NXPE2: variants seen among roughly 807,000 people sequenced by gnomAD.
NXPE2 encodes neurexophilin and PC-esterase domain family member 2.
NXPE2 carries 34 observed loss-of-function variants against 34.4 expected under a neutral mutation model. That is an observed-to-expected ratio of 0.99 (90% CI 0.75 to 1.31). NXPE2 has a LOEUF of 1.31. Among genes scored for constraint, NXPE2 ranks in the 40% most tolerant of loss-of-function variants. NXPE2 has a pLI of 0.00. For missense variants in NXPE2, 649 were observed against 672.5 expected, an observed-to-expected ratio of 0.97 and a Z score of 0.39; for synonymous variants, 235 against 231.3, an observed-to-expected ratio of 1.02 and a Z score of -0.15.
the NXPE2 span, among the ~76,000 whole-genome samples, chr11:114,546,959 T>A: frequency 6.6e-6 from 1 of 152,182 alleles, no homozygotes; most frequent in Non-Finnish European, 1.5e-5. Flanking sequence ...CACACTGATG[T>A]AAATGAATGA....
the NXPE2 span, among the ~76,000 whole-genome samples, chr11:114,556,366 T>C: frequency 1.3e-5 from 2 of 152,156 alleles, no homozygotes; most frequent in African/African-American, 4.8e-5. Context: ...TGCTACACTT[T>C]GTGGAGTCTC....
Position 114,705,776 on chromosome 11 carries a change from GC to G in NXPE2, c.929-3del, listed in dbSNP as rs1189053375. ...ATTACTTAATCTGGAAATTTGTATT[GC>G]CAGAGAGCGAGAACATAAAAAAGAA... On this transcript the variant is annotated splice_polypyrimidine_tract_variant and splice_region_variant and intron_variant, in intron 4 of 5. Coordinates refer to ENST00000389586, the MANE Select transcript of NXPE2 (RefSeq NM_182495.6). 1 of 1,417,240 alleles carries G rather than the reference GC, an allele frequency of 7.1e-7. No individual in the cohort carries two copies. Among genetic ancestry groups the G allele is most frequent in the East Asian group, 2.9e-5 (1 of 35,012 alleles). The allele number at this position is 1,417,240 out of a possible 1,614,324, so 87.8% of individuals were successfully genotyped here.
At chr11:114,661,484 G>A in the NXPE2 span, among the ~76,000 whole-genome samples, 1 of 152,144 alleles carries the variant, frequency 6.6e-6, no homozygotes, top group Non-Finnish European at 1.5e-5. Context: ...TGCCTGTTTT[G>A]TCTGCATTGT....
the NXPE2 span, among the ~76,000 whole-genome samples, chr11:114,546,449 C>CAT: frequency 6.8e-6 from 1 of 146,074 alleles, no homozygotes; most frequent in African/African-American, 2.6e-5. Context: ...TAGTATCATA[C>CAT]ATATATATAT....
the NXPE2 span, among the ~76,000 whole-genome samples, chr11:114,511,336 G>T: frequency 6.6e-6 from 1 of 152,142 alleles, no homozygotes; most frequent in Non-Finnish European, 1.5e-5. Flanking sequence ...TCGTCTTCTT[G>T]CCTGGAACAC....
chr11:114,771,225 C>A, the NXPE2 span, among the ~76,000 whole-genome samples: 7 of 151,614 alleles, frequency 4.6e-5, no homozygotes, highest in Admixed American at 3.9e-4. Context: ...CCTGTATCCC[C>A]TCTCCCTCTC....
chr11:114,706,921 C>G lies in NXPE2; in HGVS notation c.1671C>G (p.Tyr557Ter), dbSNP rs1265507375. The G allele has an allele frequency of 6.5e-7, 1 of 1,541,996 alleles. No homozygotes were observed. The highest frequency in any genetic ancestry group is 8.8e-7 in the Non-Finnish European group (1 of 1,140,430). Residue 557 changes from tyrosine to a stop codon, truncating the protein, a stop_gained, in exon 6 of 6, where the codon TAC becomes TAG. Coordinates refer to ENST00000389586, the MANE Select transcript of NXPE2 (RefSeq NM_182495.6). LOFTEE classifies it high-confidence loss of function. ...ATCAGATTGGCATGTTCTTAAACTA[C>G]ATTTGTTAGAGGAAAAATACAAAAA... ...IQNQIGMFLN[Y>*]IC
chr11:114,721,976 G>GT, the NXPE2 span, among the ~76,000 whole-genome samples: 4 of 152,190 alleles, frequency 2.6e-5, no homozygotes, highest in African/African-American at 9.7e-5. Flanking sequence ...CACTAGAAAT[G>GT]TGAGTTGTGA....
chr11:114,716,513 T>G, the NXPE2 span, among the ~76,000 whole-genome samples: 1 of 152,292 alleles, frequency 6.6e-6, no homozygotes, highest in Middle Eastern at 3.4e-3. Context: ...TCAGAGATAT[T>G]TATATGTGCT....
the NXPE2 span, among the ~76,000 whole-genome samples, chr11:114,554,584 A>G: frequency 2.6e-5 from 4 of 152,212 alleles, no homozygotes; most frequent in East Asian, 7.7e-4. Context: ...GCATTTTTTA[A>G]TTAACATGCT....
chr11:114,531,165 A>G, the NXPE2 span, among the ~76,000 whole-genome samples: 1 of 152,058 alleles, frequency 6.6e-6, no homozygotes, highest in African/African-American at 2.4e-5. Flanking sequence ...TTTGTATAAA[A>G]TGTAAACATT....
chr11:114,566,058 T>C, the NXPE2 span, among the ~76,000 whole-genome samples: 1 of 152,134 alleles, frequency 6.6e-6, no homozygotes, highest in African/African-American at 2.4e-5. Flanking sequence ...GACAAATGCA[T>C]TTTGGAATAT....
chr11:114,793,797 G>A, the NXPE2 span, among the ~76,000 whole-genome samples: 1 of 152,120 alleles, frequency 6.6e-6, no homozygotes, highest in Non-Finnish European at 1.5e-5. Flanking sequence ...TGAAAGAGAA[G>A]GATGTTATTT....
chr11:114,634,548 T>G, the NXPE2 span, among the ~76,000 whole-genome samples: 1 of 152,068 alleles, frequency 6.6e-6, no homozygotes, highest in African/African-American at 2.4e-5. Flanking sequence ...CATGCCTATG[T>G]CCTGAATGGT....
At chr11:114,765,706 G>C in the NXPE2 span, among the ~76,000 whole-genome samples, 6 of 152,236 alleles carry the variant, frequency 3.9e-5, no homozygotes, top group South Asian at 6.2e-4. Context: ...TTTCATCTGT[G>C]TATACCTGAT....
chr11:114,577,179 T>TATAA, the NXPE2 span, among the ~76,000 whole-genome samples: 2 of 145,600 alleles, frequency 1.4e-5, no homozygotes, highest in Admixed American at 6.9e-5. Flanking sequence ...TATATATATA[T>TATAA]AAAATGTTAT....
the NXPE2 span, among the ~76,000 whole-genome samples, chr11:114,739,744 T>A: frequency 2.5e-3 from 377 of 152,244 alleles, 3 homozygotes; most frequent in Admixed American, 6.3e-3. Flanking sequence ...TTTCCTCTGC[T>A]CCTTGATCAC....
At chr11:114,799,896 C>A in the NXPE2 span, among the ~76,000 whole-genome samples, 1 of 151,558 alleles carries the variant, frequency 6.6e-6, no homozygotes, top group Admixed American at 6.6e-5. Flanking sequence ...TTTTCTCTTT[C>A]TCTTTATCCT....
the NXPE2 span, among the ~76,000 whole-genome samples, chr11:114,508,519 A>T: frequency 3.3e-5 from 5 of 152,252 alleles, no homozygotes; most frequent in African/African-American, 1.2e-4. Flanking sequence ...TAACCAAAAC[A>T]GCAAGGTATT....
Sources: allele counts gnomAD v4.1 joint callset (sites outside exome capture counted in the v4.1 genomes callset), GRCh38; gene constraint gnomAD v4.1.1; transcripts MANE v1.5; gene names NCBI Gene and HGNC (gene_info 2026-07-23, HGNC 2026-07-21).